Variants in MICAL2 observed in about 807,000 individuals in gnomAD.
The protein encoded by MICAL2 is [F-actin]-monooxygenase MICAL2.
MICAL2 carries 77 observed loss-of-function variants against 127.3 expected under a neutral mutation model. The observed-to-expected ratio is 0.60, with a 90% CI of 0.50 to 0.73. MICAL2 has a LOEUF of 0.73. Ranked by LOEUF, MICAL2 falls within the 30% of genes least tolerant of loss-of-function variation. The pLI is 0.00. For missense variants in MICAL2, 1,351 were observed against 1,434.4 expected, an observed-to-expected ratio of 0.94 and a Z score of 0.94; for synonymous variants, 570 against 551.1, an observed-to-expected ratio of 1.03 and a Z score of -0.48.
intron 15 of MICAL2, among the ~76,000 whole-genome samples, chr11:12,231,141 A>T (rs1858203937): frequency 6.6e-6 from 1 of 152,226 alleles, no homozygotes; most frequent in Non-Finnish European, 1.5e-5. Flanking sequence ...AATACCTACC[A>T]GTACTCTCCT....
intron 3 of MICAL2, among the ~76,000 whole-genome samples, chr11:12,178,623 G>A (rs988694945): frequency 1.2e-4 from 19 of 152,198 alleles, no homozygotes; most frequent in Admixed American, 2.6e-4. Flanking sequence ...GCTAAGATTC[G>A]TGTTACCTAA....
At chr11:12,209,720 A>AT in intron 6 of MICAL2, 122 bp downstream of exon 6, 1 of 841,596 alleles carries the variant, frequency 1.2e-6, no homozygotes, top group Non-Finnish European at 2.0e-6. Context: ...TTTTGATAGG[A>AT]GGGCAGACCA....
At chr11:12,122,253 T>A (rs1850567199) in intron 1 of MICAL2, among the ~76,000 whole-genome samples, 1 of 152,204 alleles carries the variant, frequency 6.6e-6, no homozygotes, top group South Asian at 2.1e-4. Flanking sequence ...ACACCTCTCA[T>A]GGTGCCTGGC....
downstream of MICAL2, among the ~76,000 whole-genome samples, chr11:12,296,571 T>C (rs1239044619): frequency 6.7e-6 from 1 of 149,282 alleles, no homozygotes. Flanking sequence ...ATCACAAAAT[T>C]TAATGTGTTA....
rs2134157895 is a variant in MICAL2 at position 12,208,145 on chromosome 11, G to A, written c.589+6G>A. The stretch of plus-strand genomic sequence containing the variant: ...TGAAGATCAAGAAAATCAAAGTACA[G>A]TATAATTTTCTTTTTCTGCCTAGAA... On this transcript the variant is annotated splice_donor_region_variant and intron_variant, in intron 5 of 27. Coordinates refer to ENST00000683283, the MANE Select transcript of MICAL2 (RefSeq NM_001282663.2). 3 of 1,601,196 alleles carry A rather than the reference G, an allele frequency of 1.9e-6. No homozygotes were observed. The East Asian group carries it at 6.7e-5, about 36-fold the overall frequency.
chr11:12,355,075 A>C (rs1555025439), intron 34 of MICAL2, among the ~76,000 whole-genome samples: 3 of 152,344 alleles, frequency 2.0e-5, no homozygotes, highest in Non-Finnish European at 2.9e-5. Flanking sequence ...CCCAAGTGGC[A>C]GTAGGAACAA....
chr11:12,334,240 G>C (rs554584537), intron 32 of MICAL2, among the ~76,000 whole-genome samples: 9 of 152,224 alleles, frequency 5.9e-5, no homozygotes, highest in Admixed American at 6.5e-5. Context: ...ATATAAAATG[G>C]CGTAGTCACT....
chr11:12,359,988 G>T (rs989525432), downstream of MICAL2, among the ~76,000 whole-genome samples: 9 of 152,210 alleles, frequency 5.9e-5, no homozygotes, highest in African/African-American at 1.9e-4. Flanking sequence ...CCAGAAATTA[G>T]ATGTATAACT....
intron 7 of MICAL2, among the ~76,000 whole-genome samples, 158 bp downstream of exon 7, chr11:12,213,568 C>G (rs1855788290): frequency 6.6e-6 from 1 of 152,172 alleles, no homozygotes; most frequent in African/African-American, 2.4e-5. Flanking sequence ...TGAATACAGA[C>G]AGGATTCCTT....
chr11:12,235,363 C>A (rs1858899581), intron 15 of MICAL2, among the ~76,000 whole-genome samples: 1 of 152,090 alleles, frequency 6.6e-6, no homozygotes, highest in South Asian at 2.1e-4. Flanking sequence ...ATTTCAATGC[C>A]CAGATGCAGG....
intron 3 of MICAL2, among the ~76,000 whole-genome samples, chr11:12,178,053 T>C (rs1000942567): frequency 2.0e-5 from 3 of 152,242 alleles, no homozygotes; most frequent in African/African-American, 7.2e-5. Flanking sequence ...GGCTGCTGCC[T>C]GAAAGGCCAA....
intron 21 of MICAL2, 77 bp from the exon 22 acceptor site, chr11:12,249,107 C>G: frequency 6.3e-7 from 1 of 1,592,510 alleles, no homozygotes; most frequent in Non-Finnish European, 8.6e-7. Flanking sequence ...TGTAAAGCTT[C>G]TCTTTCCCCA....
intron 2 of MICAL2, chr11:12,286,916 G>A (rs1048739146): frequency 4.6e-5 from 18 of 387,114 alleles, no homozygotes; most frequent in African/African-American, 3.7e-4. Flanking sequence ...GGTAGAGTGT[G>A]TTGTGGGGAC....
intron 32 of MICAL2, among the ~76,000 whole-genome samples, chr11:12,337,164 T>C (rs1443901975): frequency 6.6e-6 from 1 of 152,232 alleles, no homozygotes; most frequent in African/African-American, 2.4e-5. Flanking sequence ...ATTCAACTTC[T>C]TCCTGGTTTA....
intron 29 of MICAL2, among the ~76,000 whole-genome samples, chr11:12,314,172 A>T (rs965940770): frequency 6.6e-6 from 1 of 151,806 alleles, no homozygotes; most frequent in African/African-American, 2.4e-5. Flanking sequence ...CAGTTAACAT[A>T]ATTACTGATA....
At chr11:12,139,467 C>G (rs554609960) in intron 2 of MICAL2, among the ~76,000 whole-genome samples, 1 of 152,132 alleles carries the variant, frequency 6.6e-6, no homozygotes, top group East Asian at 1.9e-4. Context: ...AGGGCCCAAT[C>G]CAAGATGCTG....
At chr11:12,147,542 A>C (rs1022603614) in intron 2 of MICAL2, among the ~76,000 whole-genome samples, 1 of 152,252 alleles carries the variant, frequency 6.6e-6, no homozygotes, top group African/African-American at 2.4e-5. Flanking sequence ...TAAATTTAAA[A>C]ATCTGCCTTT....
At chr11:12,293,578 C>T (rs201473368), downstream of MICAL2, 12 of 1,611,666 alleles carry the variant, frequency 7.4e-6, no homozygotes, top group African/African-American at 2.7e-5. Flanking sequence ...CTTCTGAGCC[C>T]CTCTCGCAAG....
At chr11:12,331,271 T>G (rs148802834) in intron 32 of MICAL2, among the ~76,000 whole-genome samples, 1 of 152,274 alleles carries the variant, frequency 6.6e-6, no homozygotes, top group East Asian at 1.9e-4. Context: ...TGATGAAAAC[T>G]GAGTAACTTC....
Sources: gnomAD v4.1 joint callset for allele counts (sites outside exome capture counted in the v4.1 genomes callset) on GRCh38, gnomAD v4.1.1 for gene constraint, MANE v1.5 for transcripts, NCBI Gene and HGNC (gene_info 2026-07-23, HGNC 2026-07-21) for gene names.